CYTH3: variants seen among roughly 807,000 people sequenced by gnomAD.
CYTH3 encodes the protein cytohesin-3.
CYTH3 carries 23 observed loss-of-function variants against 55.1 expected under a neutral mutation model. The observed-to-expected ratio is 0.42, with a 90% CI of 0.30 to 0.59. The LOEUF is 0.59. Among genes scored for constraint, CYTH3 ranks in the 20% least tolerant of loss-of-function variants. CYTH3 has a pLI of 0.20. For missense variants in CYTH3, 413 were observed against 524.8 expected (o/e 0.79, Z 2.08); for synonymous variants, 249 against 194.9 (o/e 1.28, Z -2.31).
At position 6,272,161 on chromosome 7, in the gene CYTH3, C is replaced by G. The variant is rs531680582; in HGVS notation, c.34+313G>C. 5.3e-5 allele frequency among the ~76,000 whole-genome samples: 8 copies of G among 152,298 alleles called. No individual in the cohort carries two copies. In the South Asian group the frequency reaches 1.2e-3, roughly 24 times the overall value. Reference sequence around the variant, plus strand: ...GCGGGGAAGGTCGCCCCGCAAGGTCCCCCGCCCCAGAGGAGCGACACCCAA... The same window carrying G: ...GCGGGGAAGGTCGCCCCGCAAGGTCGCCCGCCCCAGAGGAGCGACACCCAA... On this transcript the variant is annotated intron_variant, in intron 1 of 12. Transcript: ENST00000350796.
In CYTH3 at chr7:6,167,881, A is replaced by G. The variant is rs1435650465; in HGVS notation, c.824-2071T>C. Among the ~76,000 whole-genome samples, 2 of 152,070 alleles carry G rather than the reference A, an allele frequency of 1.3e-5. No individual in the cohort carries two copies. Among genetic ancestry groups the G allele is most frequent in the Admixed American group, 6.5e-5 (1 of 15,276 alleles). On this transcript the variant is annotated intron_variant, in intron 9 of 12. Coordinates refer to ENST00000350796, the MANE Select transcript of CYTH3 (RefSeq NM_004227.4). This position sits in a 1 kb window ranked among gnomAD's most constrained non-coding sequence, Gnocchi z 5.5. ...GTCTGCCAGGTGGCCTCTCAGCTCC[A>G]CCTTGGGTCCCCCGCTCACACCTCC...
At chr7:6,182,190 G>A (rs1783521310) in intron 4 of CYTH3, among the ~76,000 whole-genome samples, 1 of 152,024 alleles carries the variant, frequency 6.6e-6, no homozygotes, top group Admixed American at 6.5e-5. Flanking sequence ...TGAGATTACA[G>A]GTGCCTGCTA....
intron 4 of CYTH3, among the ~76,000 whole-genome samples, chr7:6,179,797 C>CA (rs1783451245): frequency 8.1e-6 from 1 of 122,974 alleles, no homozygotes; most frequent in African/African-American, 3.3e-5. Flanking sequence ...CCACACACAC[C>CA]CACCACACAC....
At chr7:6,168,219 ATTTTTTT>A (rs750700961) in intron 9 of CYTH3, among the ~76,000 whole-genome samples, 3 of 121,616 alleles carry the variant, frequency 2.5e-5, no homozygotes, top group African/African-American at 9.3e-5. Context: ...ACCTCCTAGG[ATTTTTTT>A]TTTTTTTTTT....
intron 1 of CYTH3, among the ~76,000 whole-genome samples, chr7:6,217,817 G>C (rs1049003024): frequency 1.3e-5 from 2 of 152,026 alleles, no homozygotes; most frequent in African/African-American, 2.4e-5. Context: ...CTAATCTCTA[G>C]AACTTGTGAA....
chr7:6,205,390 T>C (rs529967177), intron 1 of CYTH3, among the ~76,000 whole-genome samples: 16 of 152,040 alleles, frequency 1.1e-4, no homozygotes, highest in South Asian at 2.1e-4. Context: ...CTGGCCAACA[T>C]GGTAAAACCC....
chr7:6,168,025 C>G (rs1783060992), intron 9 of CYTH3, among the ~76,000 whole-genome samples: 1 of 152,216 alleles, frequency 6.6e-6, no homozygotes, highest in Non-Finnish European at 1.5e-5. Context: ...TCTGCTCACA[C>G]TTGTTTCTGG....
chr7:6,186,458 A>G (rs1215526150), intron 4 of CYTH3, among the ~76,000 whole-genome samples: 1 of 152,124 alleles, frequency 6.6e-6, no homozygotes, highest in Non-Finnish European at 1.5e-5. Flanking sequence ...AAGCAGCTAC[A>G]TGTTTCAGGT....
intron 1 of CYTH3, 64 bp downstream of exon 1, chr7:6,272,410 G>GGGGGGGGGGGGGCCCCCCCCCCCCCC: frequency 8.2e-7 from 1 of 1,216,618 alleles, no homozygotes; most frequent in Non-Finnish European, 1.1e-6. Flanking sequence ...CCGCGCCCTC[G>GGGGGGGGGGGGGCCCCCCCCCCCCCC]ACCCCCAGCC....
At chr7:6,179,953 T>C (rs1477077175) in intron 4 of CYTH3, among the ~76,000 whole-genome samples, 1 of 144,162 alleles carries the variant, frequency 6.9e-6, no homozygotes, top group African/African-American at 2.6e-5. Flanking sequence ...ACAGTAGCAA[T>C]GCAGGTCTGG....
In CYTH3 at chr7:6,206,777, C is replaced by T. The variant is rs550791175; in HGVS notation, c.35-16246G>A. On this transcript the variant is annotated intron_variant, in intron 1 of 12. Coordinates refer to ENST00000350796, the MANE Select transcript of CYTH3 (RefSeq NM_004227.4). ...TAGGATGACTTCAGGACAATCCAGT[C>T]TAAGGTACAAACATGAGTCAGGTGG... Among the ~76,000 whole-genome samples, 8 of 152,312 alleles carry T rather than the reference C, an allele frequency of 5.3e-5. No homozygotes were observed. In the East Asian group the frequency reaches 1.5e-3, roughly 29 times the overall value.
chr7:6,220,725 G>C (rs1306984344), intron 1 of CYTH3, among the ~76,000 whole-genome samples: 1 of 152,128 alleles, frequency 6.6e-6, no homozygotes, highest in Non-Finnish European at 1.5e-5. Context: ...GCCGGGCGCG[G>C]TGGCTCACAC....
chr7:6,164,642 G>T lies in CYTH3; in HGVS notation c.*302C>A. On this transcript the variant is annotated 3_prime_UTR_variant, in exon 13 of 13. Transcript: ENST00000350796. ...CCCTAGGGGCGCCGGGATGGTCGCA[G>T]GAAGGAAATGCTTCTGGACATGCGC... The T allele has an allele frequency of 2.3e-6, 1 of 438,458 alleles. No homozygotes were observed. The highest frequency in any genetic ancestry group is 4.1e-6 in the Non-Finnish European group (1 of 241,656). 27.2% of individuals were successfully genotyped at this position (438,458 alleles called of 1,614,324 possible).
Position 6,177,908 on chromosome 7 carries a change from G to C in CYTH3, c.283C>G (p.Gln95Glu). 6.2e-7 allele frequency: 1 copy of C among 1,614,124 alleles called. No individual in the cohort carries two copies. Among genetic ancestry groups the C allele is most frequent in the Non-Finnish European group, 8.5e-7 (1 of 1,179,972 alleles). ...IQFLIENDLL[Q>E]SSPEDVAQFL... is the part of the protein sequence containing the mutation. ...TGGGCGACGTCTTCTGGGGAACTCT[G>C]TAGCAGGTCATTTTCTATTAGAAAC... The change falls in exon 5 of 13, where the codon CAG becomes GAG. Residue 95 changes from glutamine to glutamate, a missense_variant. Transcript: ENST00000350796.
At chr7:6,249,363 C>G (rs1049735986) in intron 1 of CYTH3, among the ~76,000 whole-genome samples, 1 of 152,176 alleles carries the variant, frequency 6.6e-6, no homozygotes, top group South Asian at 2.1e-4. Flanking sequence ...GGCAAGGAAT[C>G]CAATCTCTGT....
intron 1 of CYTH3, among the ~76,000 whole-genome samples, chr7:6,227,758 A>G (rs796421803): frequency 1.3e-5 from 2 of 152,244 alleles, no homozygotes; most frequent in South Asian, 4.1e-4. Context: ...TTCTCTGTGC[A>G]TGTTCCAGGC....
intron 1 of CYTH3, among the ~76,000 whole-genome samples, chr7:6,217,205 C>T (rs2128550593): frequency 6.6e-6 from 1 of 152,244 alleles, no homozygotes; most frequent in Admixed American, 6.5e-5. Context: ...TGAACCACTG[C>T]TCCTGGCCAA....
Position 6,251,555 on chromosome 7 carries a change from C to T in CYTH3, c.34+20919G>A, listed in dbSNP as rs866488261. On this transcript the variant is annotated intron_variant, in intron 1 of 12. Coordinates refer to ENST00000350796, the MANE Select transcript of CYTH3 (RefSeq NM_004227.4). ...CAGAGCAGCAATCTGTGAAGGACCG[C>T]AAAATTCTCCGCCCTTAAATTTGTT... Among the ~76,000 whole-genome samples the T allele has an allele frequency of 6.6e-5, 10 of 152,222 alleles. 1 individual carries two copies. The South Asian group carries it at 2.1e-3, about 32-fold the overall frequency.
At chr7:6,172,327 CCTT>C (rs1368037550) in intron 6 of CYTH3, among the ~76,000 whole-genome samples, 2 of 152,092 alleles carry the variant, frequency 1.3e-5, no homozygotes, top group Non-Finnish European at 2.9e-5. Flanking sequence ...CTACCAGGCC[CCTT>C]CTTCTCCGCC....
Sources: allele counts gnomAD v4.1 joint callset (sites outside exome capture counted in the v4.1 genomes callset), GRCh38; gene constraint gnomAD v4.1.1; non-coding constraint Gnocchi (gnomAD v3.1); transcripts MANE v1.5; gene names NCBI Gene and HGNC (gene_info 2026-07-23, HGNC 2026-07-21).